Variants in PID1 observed in about 807,000 individuals in gnomAD.
PID1 encodes PTB-containing, cubilin and LRP1-interacting protein.
In PID1, 10 loss-of-function variants were observed where a neutral mutation model predicts 19.1. The ratio of observed to expected loss-of-function variants is 0.52; its 90% confidence interval spans 0.32 to 0.89. The LOEUF is 0.89. PID1 is among the 40% of genes least tolerant of loss of function. PID1 has a pLI of 0.03. For synonymous variants in PID1, 130 were observed against 116.0 expected, an observed-to-expected ratio of 1.12 and a Z score of -0.78; for missense variants, 248 against 285.3, an observed-to-expected ratio of 0.87 and a Z score of 0.94.
At chr2:229,223,283 A>G (rs1318080850) in intron 1 of PID1, among the ~76,000 whole-genome samples, 1 of 152,190 alleles carries the variant, frequency 6.6e-6, no homozygotes, top group Non-Finnish European at 1.5e-5. Context: ...ATGCTATCTC[A>G]TCATTATTTT....
chr2:229,081,241 A>G (rs1694663170), intron 2 of PID1, among the ~76,000 whole-genome samples: 1 of 152,204 alleles, frequency 6.6e-6, no homozygotes, highest in Non-Finnish European at 1.5e-5. Flanking sequence ...CTGAAAACTT[A>G]CCACTCAGCA....
chr2:229,079,124 T>C (rs1400517867), intron 2 of PID1, among the ~76,000 whole-genome samples: 1 of 152,190 alleles, frequency 6.6e-6, no homozygotes, highest in Non-Finnish European at 1.5e-5. Context: ...ACTTTTCTTT[T>C]TGTCAAGTTA....
intron 2 of PID1, among the ~76,000 whole-genome samples, chr2:229,095,804 A>C (rs1400643887): frequency 2.0e-5 from 3 of 152,190 alleles, no homozygotes. Flanking sequence ...AGTCATAAAA[A>C]AAAGTCTTTG....
At chr2:229,092,110 C>T (rs1371367993) in intron 2 of PID1, among the ~76,000 whole-genome samples, 1 of 112,404 alleles carries the variant, frequency 8.9e-6, no homozygotes, top group Non-Finnish European at 1.7e-5. Flanking sequence ...CATTTACACA[C>T]AGAACCAACA....
chr2:229,191,079 G>A (rs1428219073), intron 1 of PID1, among the ~76,000 whole-genome samples: 2 of 152,110 alleles, frequency 1.3e-5, no homozygotes, highest in Non-Finnish European at 2.9e-5. Flanking sequence ...ACCAGAGTTG[G>A]GTTTCTCAGC....
chr2:229,145,423 T>C lies in PID1; in HGVS notation c.177+10395A>G, dbSNP rs192734135. On this transcript the variant is annotated intron_variant, in intron 2 of 2. Coordinates refer to ENST00000392055, the MANE Select transcript of PID1 (RefSeq NM_001100818.2). ...GAAGTCTACCATAGTGGAAATATATTTTATCCACAAAACCAACCCAGAAAA... is the reference window on the plus strand; with the variant it reads ...GAAGTCTACCATAGTGGAAATATATCTTATCCACAAAACCAACCCAGAAAA... Among the ~76,000 whole-genome samples, 897 of 151,930 alleles carry C rather than the reference T, an allele frequency of 5.9e-3. 5 individuals are homozygous for C. The highest frequency in any genetic ancestry group is 9.3e-3 in the Non-Finnish European group (630 of 67,906).
intron 1 of PID1, among the ~76,000 whole-genome samples, chr2:229,196,178 C>T (rs547516633): frequency 4.1e-4 from 63 of 152,104 alleles, no homozygotes; most frequent in Non-Finnish European, 7.2e-4. Context: ...CCTTCAGTTA[C>T]ATTTTCAAAG....
intron 1 of PID1, among the ~76,000 whole-genome samples, chr2:229,236,987 T>TACAC (rs201772514): frequency 0.028 from 3,000 of 107,850 alleles, 42 homozygotes; most frequent in East Asian, 0.084. Context: ...TACACACACA[T>TACAC]ACACACACAC....
intron 1 of PID1, among the ~76,000 whole-genome samples, chr2:229,172,290 T>C (rs547558159): frequency 1.3e-5 from 2 of 152,284 alleles, no homozygotes; most frequent in East Asian, 1.9e-4. Flanking sequence ...TATTGATCAA[T>C]GAAGCATATA....
intron 1 of PID1, among the ~76,000 whole-genome samples, chr2:229,181,095 C>A (rs1363870366): frequency 1.3e-5 from 2 of 152,188 alleles, no homozygotes; most frequent in Admixed American, 6.5e-5. Flanking sequence ...TTCCACCTAA[C>A]GAGAAACGCC....
chr2:229,210,179 G>A (rs1224154317), intron 1 of PID1, among the ~76,000 whole-genome samples: 2 of 151,278 alleles, frequency 1.3e-5, no homozygotes, highest in East Asian at 3.9e-4. Flanking sequence ...AGGAGGGGGA[G>A]GATCCATTCC....
rs566713867 is a variant in PID1 at position 229,130,989 on chromosome 2, T to A, written c.177+24829A>T. Among the ~76,000 whole-genome samples the A allele has an allele frequency of 1.2e-3, 183 of 152,166 alleles. 1 individual carries two copies. The highest frequency in any genetic ancestry group is 4.2e-3 in the African/African-American group (175 of 41,514). ...CCCTGGGTGCACGCCTGTGCCCAAA[T>A]TTCCACTTTTTATAAAGATACCCAC... On this transcript the variant is annotated intron_variant, in intron 2 of 2. Transcript: ENST00000392055.
At chr2:229,192,920 G>C (rs1014365855) in intron 1 of PID1, among the ~76,000 whole-genome samples, 7 of 152,144 alleles carry the variant, frequency 4.6e-5, no homozygotes, top group South Asian at 4.1e-4. Flanking sequence ...GAACATAAAT[G>C]TCCAAGCTCC....
intron 1 of PID1, among the ~76,000 whole-genome samples, chr2:229,265,937 C>T (rs1472940022): frequency 1.3e-5 from 2 of 152,046 alleles, no homozygotes; most frequent in Non-Finnish European, 2.9e-5. Context: ...AGCCATTAGG[C>T]CATGGTTAAG....
At chr2:229,095,828 A>C (rs1047002595) in intron 2 of PID1, among the ~76,000 whole-genome samples, 1 of 152,116 alleles carries the variant, frequency 6.6e-6, no homozygotes, top group African/African-American at 2.4e-5. Flanking sequence ...TACAGCTACA[A>C]AGTTAGTGTC....
At chr2:229,142,722 A>G (rs1187131613) in intron 2 of PID1, among the ~76,000 whole-genome samples, 1 of 152,222 alleles carries the variant, frequency 6.6e-6, no homozygotes, top group Non-Finnish European at 1.5e-5. Context: ...ATGTGGAGAC[A>G]TGGGAACACT....
chr2:229,027,242 A>T (rs1341769094), intron 2 of PID1, among the ~76,000 whole-genome samples: 1 of 152,218 alleles, frequency 6.6e-6, no homozygotes, highest in African/African-American at 2.4e-5. Context: ...TTGTGACAAG[A>T]GTAGTCCCTT....
At chr2:229,215,800 T>C (rs981627822) in intron 1 of PID1, among the ~76,000 whole-genome samples, 1 of 152,276 alleles carries the variant, frequency 6.6e-6, no homozygotes. Flanking sequence ...TTCTTACCCA[T>C]GATCTCCAAT....
chr2:229,155,678 T>A, intron 2 of PID1, 140 bp downstream of exon 2: 3 of 725,808 alleles, frequency 4.1e-6, no homozygotes, highest in Non-Finnish European at 6.6e-6. Flanking sequence ...CAGTCTACCA[T>A]CACTCTGTGA....
Sources: gnomAD v4.1 joint callset for allele counts (sites outside exome capture counted in the v4.1 genomes callset) on GRCh38, gnomAD v4.1.1 for gene constraint, MANE v1.5 for transcripts, NCBI Gene and HGNC (gene_info 2026-07-23, HGNC 2026-07-21) for gene names.